SEH1L: variants seen among roughly 807,000 people sequenced by gnomAD.
SEH1L encodes the protein nucleoporin SEH1.
A neutral mutation model predicts 49.5 loss-of-function variants in SEH1L; 18 were observed. The observed-to-expected ratio is 0.36, with a 90% CI of 0.25 to 0.54. The LOEUF (loss-of-function observed/expected upper bound fraction) is 0.54, where lower values mean the gene tolerates loss of function less well. SEH1L is among the 20% of genes least tolerant of loss of function. The pLI, the probability that SEH1L is intolerant of heterozygous loss-of-function variation, is 0.87. For missense variants in SEH1L, 404 were observed against 528.8 expected (o/e 0.76, Z 2.31); for synonymous variants, 169 against 178.1 (o/e 0.95, Z 0.41).
chr18:12,969,590 A>T (rs1295029592), intron 4 of SEH1L, among the ~76,000 whole-genome samples: 1 of 151,990 alleles, frequency 6.6e-6, no homozygotes, highest in Non-Finnish European at 1.5e-5. Flanking sequence ...TGGGAGGCCG[A>T]GGCACGAGAA....
chr18:12,964,251 T>G (rs1351538761), intron 4 of SEH1L, among the ~76,000 whole-genome samples: 1 of 152,146 alleles, frequency 6.6e-6, no homozygotes, highest in African/African-American at 2.4e-5. Context: ...AAAAGAAAGG[T>G]AAAGTTCCTT....
At chr18:12,968,711 T>C (rs2031558848) in intron 4 of SEH1L, among the ~76,000 whole-genome samples, 2 of 152,194 alleles carry the variant, frequency 1.3e-5, no homozygotes, top group South Asian at 4.1e-4. Flanking sequence ...GATAATATTC[T>C]TTCATCATTT....
intron 1 of SEH1L, among the ~76,000 whole-genome samples, chr18:12,951,465 A>G (rs2030520563): frequency 6.6e-6 from 1 of 152,142 alleles, no homozygotes; most frequent in Non-Finnish European, 1.5e-5. Context: ...ATGTCAGCTC[A>G]CTGCGACCTC....
chr18:12,961,165 C>T (rs62095795), intron 3 of SEH1L, among the ~76,000 whole-genome samples: 3,537 of 152,232 alleles, frequency 0.023, 75 homozygotes, highest in Admixed American at 0.059. Flanking sequence ...ACTGGAGTTG[C>T]GCAGATGCTC....
chr18:12,986,351 A>G, intron 8 of SEH1L: 24 of 985,586 alleles, frequency 2.4e-5, no homozygotes, highest in Non-Finnish European at 2.9e-5. Flanking sequence ...CAGAAAAATA[A>G]GTGTTCAATG....
At chr18:12,957,165 C>T (rs531485565) in intron 3 of SEH1L, among the ~76,000 whole-genome samples, 1 of 152,308 alleles carries the variant, frequency 6.6e-6, no homozygotes, top group African/African-American at 2.4e-5. Context: ...CGGTGGCTCA[C>T]GCCTATAATC....
At chr18:12,959,567 G>GT (rs1474773219) in intron 3 of SEH1L, among the ~76,000 whole-genome samples, 1 of 152,184 alleles carries the variant, frequency 6.6e-6, no homozygotes, top group Non-Finnish European at 1.5e-5. Flanking sequence ...TGCTCAAAAA[G>GT]TTTTGGAGTT....
chr18:12,962,921 T>G (rs915152088), intron 3 of SEH1L, among the ~76,000 whole-genome samples: 1 of 151,786 alleles, frequency 6.6e-6, no homozygotes, highest in African/African-American at 2.4e-5. Context: ...GGAGGTAGAC[T>G]TTTTTTTCAT....
At chr18:12,967,806 CA>C (rs1367875677) in intron 4 of SEH1L, among the ~76,000 whole-genome samples, 1 of 151,960 alleles carries the variant, frequency 6.6e-6, no homozygotes, top group Non-Finnish European at 1.5e-5. Flanking sequence ...CCCAGCTACT[CA>C]GGAGGCTGAG....
chr18:12,948,056 G>C lies in SEH1L; in HGVS notation c.-66G>C. ...GGGCTGCGAGGTCTGGCTAGGCTAC[G>C]GGCCACGCGCCGCCGCCGCTGCCGC... On this transcript the variant is annotated 5_prime_UTR_variant, in exon 1 of 9. Transcript: ENST00000399892. 3 of 1,257,832 alleles carry C rather than the reference G, an allele frequency of 2.4e-6. No individual in the cohort carries two copies. Among genetic ancestry groups the C allele is most frequent in the East Asian group, 2.5e-5 (1 of 40,612 alleles). 77.9% of individuals were successfully genotyped at this position (1,257,832 alleles called of 1,614,324 possible).
At chr18:12,962,397 T>C (rs1215589136) in intron 3 of SEH1L, among the ~76,000 whole-genome samples, 1 of 138,068 alleles carries the variant, frequency 7.2e-6, no homozygotes, top group Non-Finnish European at 1.6e-5. Flanking sequence ...AAAATAATAA[T>C]AATAGTGGTC....
At chr18:12,948,307 G>A in intron 1 of SEH1L, 75 bp downstream of exon 1, 1 of 1,098,040 alleles carries the variant, frequency 9.1e-7, no homozygotes, top group Non-Finnish European at 1.4e-6. Context: ...CGGGGAACGG[G>A]GCTGTGTCTT....
chr18:12,980,028 G>T (rs2032121497), intron 6 of SEH1L, among the ~76,000 whole-genome samples: 1 of 139,760 alleles, frequency 7.2e-6, no homozygotes, highest in African/African-American at 2.6e-5. Context: ...CTCCCGGACG[G>T]GCGGCTGACC....
At chr18:12,968,498 A>G (rs1375289580) in intron 4 of SEH1L, among the ~76,000 whole-genome samples, 1 of 152,128 alleles carries the variant, frequency 6.6e-6, no homozygotes, top group Admixed American at 6.5e-5. Context: ...AAATCACTCC[A>G]TGATTGTCCG....
chr18:12,948,099 G>A lies in SEH1L; in HGVS notation c.-23G>A. On this transcript the variant is annotated 5_prime_UTR_variant, in exon 1 of 9. Transcript: ENST00000399892. ...GCTGCCGCCGCCACTGTCCTCTTCG[G>A]AGGCGCGGGCCCGACGGAAACCATG... 1.3e-6 allele frequency: 2 copies of A among 1,592,674 alleles called. No homozygotes were observed. The highest frequency in any genetic ancestry group is 1.7e-6 in the Non-Finnish European group (2 of 1,164,350).
chr18:12,985,562 G>A, intron 8 of SEH1L: 8 of 1,123,050 alleles, frequency 7.1e-6, no homozygotes, highest in Non-Finnish European at 8.7e-6. Context: ...GATTAAAAGG[G>A]TTGTTACCAT....
intron 4 of SEH1L, among the ~76,000 whole-genome samples, chr18:12,970,019 G>T (rs551622128): frequency 2.6e-4 from 39 of 152,282 alleles, no homozygotes; most frequent in African/African-American, 9.4e-4. Context: ...GTAGCATTTT[G>T]TAGTTTGCCT....
chr18:12,987,382 A>G lies in SEH1L; in HGVS notation c.*325A>G, dbSNP rs2032503988. The G allele has an allele frequency of 5.8e-6, 1 of 172,114 alleles. No homozygotes were observed. The highest frequency in any genetic ancestry group is 1.9e-4 in the South Asian group (1 of 5,374). The allele number at this position is 172,114 out of a possible 1,614,324, so 10.7% of individuals were successfully genotyped here. On this transcript the variant is annotated 3_prime_UTR_variant, in exon 9 of 9. Transcript: ENST00000399892. ...CTGTTACCATAGTCTTAAGTTGTTT[A>G]TGCTTTATCAGACTGGCTAATGTGA... is the stretch of plus-strand genomic sequence containing the variant.
chr18:12,962,975 C>G (rs1779820333), intron 3 of SEH1L, among the ~76,000 whole-genome samples, 185 bp from the exon 4 acceptor site: 1 of 151,318 alleles, frequency 6.6e-6, no homozygotes, highest in Non-Finnish European at 1.5e-5. Flanking sequence ...GTTAGTGATT[C>G]CCAGCTATAT....
Sources: allele counts gnomAD v4.1 joint callset (sites outside exome capture counted in the v4.1 genomes callset), GRCh38; gene constraint gnomAD v4.1.1; transcripts MANE v1.5; gene names NCBI Gene and HGNC (gene_info 2026-07-23, HGNC 2026-07-21).